The following SUN3 variants were observed in gnomAD, a reference collection of about 807,000 sequenced individuals.
The protein encoded by SUN3 is Sad1 and UNC84 domain containing 3, also known as SUN domain-containing protein 3.
A neutral mutation model predicts 48.2 loss-of-function variants in SUN3; 36 were observed. The observed-to-expected ratio is 0.75, with a 90% CI of 0.57 to 0.99. The LOEUF (loss-of-function observed/expected upper bound fraction) is 0.99. Among genes scored for constraint, SUN3 ranks in the 50% least tolerant of loss-of-function variants. The probability of loss-of-function intolerance (pLI) is 0.00; values close to 1 mark genes in which losing one functional copy is unlikely to be tolerated. For missense variants in SUN3, 419 were observed against 433.1 expected (o/e 0.97, Z 0.29); for synonymous variants, 148 against 147.9 (o/e 1.00, Z 0.00).
chr7:48,006,277 G>A (rs1436160680), intron 5 of SUN3, among the ~76,000 whole-genome samples: 1 of 151,962 alleles, frequency 6.6e-6, no homozygotes, highest in African/African-American at 2.4e-5. Context: ...GCCAAGGTGT[G>A]TTCAGGGACT....
At chr7:48,028,632 A>G (rs752551520) in intron 1 of SUN3, among the ~76,000 whole-genome samples, 185 bp downstream of exon 1, 1 of 152,128 alleles carries the variant, frequency 6.6e-6, no homozygotes, top group Non-Finnish European at 1.5e-5. Context: ...TTGACATAGA[A>G]GTATTGTGAT....
intron 3 of SUN3, among the ~76,000 whole-genome samples, chr7:48,013,598 A>T (rs1207699238): frequency 6.6e-6 from 1 of 152,226 alleles, no homozygotes; most frequent in Non-Finnish European, 1.5e-5. Context: ...AAAATTAGAG[A>T]CAATCCAATT....
intron 8 of SUN3, 108 bp from the exon 9 acceptor site, chr7:47,988,988 G>A (rs1398584779): frequency 3.0e-6 from 2 of 663,810 alleles, no homozygotes; most frequent in African/African-American, 3.6e-5. Flanking sequence ...CAGGGGCACA[G>A]TGCTGTGATC....
chr7:47,988,969 T>C (rs1788974977), intron 8 of SUN3, 89 bp from the exon 9 acceptor site: 1 of 750,374 alleles, frequency 1.3e-6, no homozygotes, highest in Admixed American at 2.2e-5. Context: ...AATATCTCTG[T>C]GTGTCCACCA....
chr7:48,009,571 T>C (rs2128777703), intron 3 of SUN3, among the ~76,000 whole-genome samples: 1 of 152,222 alleles, frequency 6.6e-6, no homozygotes, highest in Middle Eastern at 3.4e-3. Flanking sequence ...AGGGATGTGA[T>C]TACTTTTGGG....
chr7:48,005,858 C>CA, intron 6 of SUN3, 111 bp downstream of exon 6: 3 of 549,688 alleles, frequency 5.5e-6, no homozygotes, highest in Non-Finnish European at 9.4e-6. Flanking sequence ...TTTCCCCCCC[C>CA]CAAGTTACCA....
At chr7:47,989,860 T>G (rs1789001910) in intron 8 of SUN3, among the ~76,000 whole-genome samples, 1 of 152,186 alleles carries the variant, frequency 6.6e-6, no homozygotes, top group Non-Finnish European at 1.5e-5. Context: ...TTAAATGGAT[T>G]AAGGGCTGTG....
chr7:48,015,969 C>T (rs1789800765), intron 3 of SUN3, among the ~76,000 whole-genome samples: 1 of 152,122 alleles, frequency 6.6e-6, no homozygotes, highest in Admixed American at 6.5e-5. Flanking sequence ...AAATTAGCTA[C>T]AAGATTAGAA....
intron 3 of SUN3, among the ~76,000 whole-genome samples, chr7:48,012,518 AT>A (rs200332498): frequency 3.9e-5 from 6 of 152,004 alleles, no homozygotes; most frequent in Admixed American, 2.0e-4. Context: ...GGTCATTAAA[AT>A]TTTTTTTCTC....
intron 1 of SUN3, among the ~76,000 whole-genome samples, chr7:48,026,520 T>C (rs1790138249): frequency 6.6e-6 from 1 of 151,672 alleles, no homozygotes; most frequent in Admixed American, 6.6e-5. Flanking sequence ...CCATGAAACC[T>C]CACCCAGGAC....
chr7:48,024,133 T>C (rs1790072117), intron 2 of SUN3, among the ~76,000 whole-genome samples: 1 of 152,140 alleles, frequency 6.6e-6, no homozygotes, highest in Admixed American at 6.5e-5. Context: ...GAAAACTCTT[T>C]TAAAAAGGTT....
At chr7:47,994,175 CTTT>C in intron 8 of SUN3, 137 bp downstream of exon 8, 1 of 713,500 alleles carries the variant, frequency 1.4e-6, no homozygotes, top group Admixed American at 3.0e-5. Flanking sequence ...AACTCTCTCT[CTTT>C]GTAGGTGAGA....
the SUN3 span, among the ~76,000 whole-genome samples, chr7:48,035,203 G>C: frequency 6.6e-6 from 1 of 152,172 alleles, no homozygotes; most frequent in African/African-American, 2.4e-5. This position sits in a 1 kb window ranked among gnomAD's most constrained non-coding sequence, Gnocchi z 4.0. Flanking sequence ...TTCCCAGCCA[G>C]AGCGGCATGA....
chr7:47,994,571 T>A, intron 7 of SUN3, 89 bp from the exon 8 acceptor site: 1 of 1,364,694 alleles, frequency 7.3e-7, no homozygotes, highest in Non-Finnish European at 9.8e-7. Context: ...TGACTGCAGA[T>A]CTCTCTTATG....
intron 1 of SUN3, among the ~76,000 whole-genome samples, chr7:48,026,822 A>G (rs1242530189): frequency 6.6e-6 from 1 of 152,184 alleles, no homozygotes; most frequent in East Asian, 1.9e-4. Flanking sequence ...CAATCCAGGA[A>G]GAGAGCCCTC....
intron 1 of SUN3, among the ~76,000 whole-genome samples, chr7:48,028,430 C>T (rs916996130): frequency 2.8e-5 from 4 of 141,888 alleles, no homozygotes; most frequent in African/African-American, 1.1e-4. Flanking sequence ...GTCCTGAGCC[C>T]GGTGCTAAGC....
chr7:48,020,114 C>T (rs921632023), intron 2 of SUN3, among the ~76,000 whole-genome samples: 2 of 151,762 alleles, frequency 1.3e-5, no homozygotes, highest in Non-Finnish European at 1.5e-5. Flanking sequence ...TTCATCATGA[C>T]TGAGTGGGAT....
rs190535160 is a variant in SUN3 at position 48,015,747 on chromosome 7, A to G, written c.288+1515T>C. Among the ~76,000 whole-genome samples, 317 of 152,290 alleles carry G rather than the reference A, an allele frequency of 2.1e-3. 1 individual carries two copies. Among genetic ancestry groups the G allele is most frequent in the Non-Finnish European group, 1.8e-3 (124 of 68,014 alleles). ...AACCACCTTTGCAAAAATGAAAACTAAGGGAAGTATGACGGTGAAAGAGAC... is the reference window on the plus strand; with the variant it reads ...AACCACCTTTGCAAAAATGAAAACTGAGGGAAGTATGACGGTGAAAGAGAC... On this transcript the variant is annotated intron_variant, in intron 3 of 9. Coordinates refer to ENST00000297325, the MANE Select transcript of SUN3 (RefSeq NM_001030019.2).
chr7:48,032,801 A>G (rs888341960), upstream of SUN3, among the ~76,000 whole-genome samples: 4 of 140,432 alleles, frequency 2.8e-5, no homozygotes, highest in Non-Finnish European at 4.6e-5. Flanking sequence ...TGGAACAGAC[A>G]GTAACAAGGC....
Sources: allele counts gnomAD v4.1 joint callset (sites outside exome capture counted in the v4.1 genomes callset), GRCh38; gene constraint gnomAD v4.1.1; non-coding constraint Gnocchi (gnomAD v3.1); transcripts MANE v1.5; gene names NCBI Gene and HGNC (gene_info 2026-07-23, HGNC 2026-07-21).